Variants in PHLPP2 observed in about 807,000 individuals in gnomAD.
The protein encoded by PHLPP2 is PH domain leucine-rich repeat-containing protein phosphatase 2.
PHLPP2 carries 66 observed loss-of-function variants against 124.9 expected under a neutral mutation model. The ratio of observed to expected loss-of-function variants is 0.53; its 90% CI spans 0.43 to 0.65. PHLPP2 has a LOEUF of 0.65. Among genes scored for constraint, PHLPP2 ranks in the 30% least tolerant of loss-of-function variants. The pLI, the probability that PHLPP2 is intolerant of heterozygous loss-of-function variation, is 0.00. For synonymous variants in PHLPP2, 681 were observed against 624.7 expected (o/e 1.09, Z -1.34); for missense variants, 1,685 against 1,600.4 (o/e 1.05, Z -0.90).
At chr16:71,655,561 G>GC in intron 16 of PHLPP2, 127 bp from the exon 17 acceptor site, 5 of 642,448 alleles carry the variant, frequency 7.8e-6, no homozygotes, top group Non-Finnish European at 1.3e-5. Flanking sequence ...GGAGTGCAGT[G>GC]GCATGATCTT....
chr16:71,705,175 A>C (rs2045264726), intron 2 of PHLPP2, among the ~76,000 whole-genome samples: 1 of 152,228 alleles, frequency 6.6e-6, no homozygotes, highest in Non-Finnish European at 1.5e-5. Flanking sequence ...TGTAAGAACC[A>C]AACGGGGCCA....
rs771089282 is a variant in PHLPP2, at chr16:71,676,661, G to A, written c.1269-12C>T. The A allele has an allele frequency of 6.3e-7, 1 of 1,575,896 alleles. No individual in the cohort carries two copies. Among genetic ancestry groups the A allele is most frequent in the East Asian group, 2.2e-5 (1 of 44,684 alleles). ...TCAAATGGTTCATCCTTAATACGCA[G>A]AAACAAGAAAATAATCATAAATAAG... is the stretch of plus-strand genomic sequence containing the variant. On this transcript the variant is annotated splice_polypyrimidine_tract_variant and intron_variant, in intron 8 of 18. Transcript: ENST00000568954.
At chr16:71,656,389 A>C (rs879611225) in intron 16 of PHLPP2, among the ~76,000 whole-genome samples, 182 bp downstream of exon 16, 3 of 152,190 alleles carry the variant, frequency 2.0e-5, no homozygotes, top group Non-Finnish European at 4.4e-5. Context: ...ACTACACATT[A>C]GTATTGTTTT....
At chr16:71,691,896 G>A (rs556437747) in intron 3 of PHLPP2, among the ~76,000 whole-genome samples, 10 of 151,876 alleles carry the variant, frequency 6.6e-5, no homozygotes, top group Non-Finnish European at 1.5e-4. Context: ...AGGAGTTCAA[G>A]GCCAACCTGG....
chr16:71,715,908 A>C (rs1229730164), intron 1 of PHLPP2, among the ~76,000 whole-genome samples: 2 of 151,658 alleles, frequency 1.3e-5, no homozygotes, highest in Non-Finnish European at 2.9e-5. Context: ...AGGTAGGAGA[A>C]TCACTTGAAC....
In PHLPP2 at chr16:71,688,630, G is replaced by A. The variant is rs1350667769; in HGVS notation, c.609+1889C>T. ...TGGGTTTTTTTTTTTTTTTTTGTAT[G>A]TGTGTGAGAGGGAGTTTACATTTCA... On this transcript the variant is annotated intron_variant, in intron 4 of 18. Transcript: ENST00000568954. Among the ~76,000 whole-genome samples the A allele has an allele frequency of 1.4e-4, 11 of 80,860 alleles. No individual in the cohort carries two copies. The Admixed American group carries it at 1.7e-3, about 13-fold the overall frequency. 53.0% of individuals were successfully genotyped at this position (80,860 alleles called of 152,430 possible). A position where few individuals can be genotyped will look rare whatever the true frequency, so the allele number is the denominator to read the frequency against.
chr16:71,676,471 G>C lies in PHLPP2; in HGVS notation c.1447C>G (p.Arg483Gly), dbSNP rs377712192. 3 of 1,613,970 alleles carry C rather than the reference G, an allele frequency of 1.9e-6. No individual in the cohort carries two copies. The highest frequency in any genetic ancestry group is 2.2e-5 in the East Asian group (1 of 44,884). Residue 483 changes from arginine (R) to glycine (G), a missense_variant, in exon 9 of 19, where the codon CGG (arginine) becomes GGG (glycine). Arg to Gly is a moderately radical substitution (Grantham distance 125). Coordinates refer to ENST00000568954, the MANE Select transcript of PHLPP2 (RefSeq NM_015020.3). ...CTGTTGGAACTGGCATAGAGGGTCCGAAGGGAAAAGCCACTGAGTGTTAGC... is the reference window on the plus strand; with the variant it reads ...CTGTTGGAACTGGCATAGAGGGTCCCAAGGGAAAAGCCACTGAGTGTTAGC... The part of the protein sequence containing the change: ...RELTLSGFSL[R>G]TLYASSNRLT...
rs2045414724 is a variant in PHLPP2, at chr16:71,723,784, CCCTCCCGGCCGGCG to C, written c.-7+531_-7+544del. The C allele has an allele frequency of 3.8e-6, 5 of 1,316,652 alleles. No individual in the cohort carries two copies. The East Asian group carries it at 1.7e-4, about 45-fold the overall frequency. 81.6% of individuals were successfully genotyped at this position (1,316,652 alleles called of 1,614,324 possible). On this transcript the variant is annotated intron_variant, in intron 1 of 18. Coordinates refer to ENST00000568954, the MANE Select transcript of PHLPP2 (RefSeq NM_015020.3). ...GCCTCCTCACCTTCAGGACCCGGAT[CCCTCCCGGCCGGCG>C]GCTCGCGGGCGCTTCGGGCGGCTCC... is the stretch of plus-strand genomic sequence containing the variant.
chr16:71,656,770 G>A (rs1339783628), intron 15 of PHLPP2, 89 bp from the exon 16 acceptor site: 2 of 733,470 alleles, frequency 2.7e-6, no homozygotes, highest in Non-Finnish European at 4.6e-6. Context: ...TTTTTTTTGA[G>A]ATGGAGTCTC....
rs536978510 is a variant in PHLPP2, at chr16:71,659,960, TATAAC to T, written c.1986-1150_1986-1146del. Among the ~76,000 whole-genome samples, 201 of 152,286 alleles carry T rather than the reference TATAAC, an allele frequency of 1.3e-3. 1 individual carries two copies. Among genetic ancestry groups the T allele is most frequent in the African/African-American group, 4.4e-3 (181 of 41,570 alleles). ...AAAATTTTATATCTTGCCTTTTTCA[TATAAC>T]ATATCATAAATAATTTCTACTCCTA... On this transcript the variant is annotated intron_variant, in intron 13 of 18. Coordinates refer to ENST00000568954, the MANE Select transcript of PHLPP2 (RefSeq NM_015020.3).
chr16:71,692,247 T>C (rs1229636822), intron 3 of PHLPP2, among the ~76,000 whole-genome samples: 2 of 152,094 alleles, frequency 1.3e-5, no homozygotes, highest in Non-Finnish European at 2.9e-5. Context: ...TATTTTGTAT[T>C]TTTAGTAGAG....
chr16:71,712,959 T>G (rs185135087), intron 2 of PHLPP2, among the ~76,000 whole-genome samples: 5 of 152,290 alleles, frequency 3.3e-5, no homozygotes, highest in Non-Finnish European at 7.4e-5. Flanking sequence ...GACCTCTTAT[T>G]TGACAACTAA....
intron 17 of PHLPP2, chr16:71,655,020 G>A: frequency 4.0e-6 from 2 of 494,802 alleles, no homozygotes; most frequent in Admixed American, 3.2e-5. Context: ...ATCCTCAGCA[G>A]CCTTTGGATT....
At chr16:71,707,826 C>A (rs1272236773) in intron 2 of PHLPP2, among the ~76,000 whole-genome samples, 1 of 152,210 alleles carries the variant, frequency 6.6e-6, no homozygotes, top group Non-Finnish European at 1.5e-5. Flanking sequence ...TCCTTGCAGA[C>A]AGTTGGTCAG....
intron 11 of PHLPP2, among the ~76,000 whole-genome samples, chr16:71,668,618 T>C (rs555752741): frequency 3.2e-4 from 49 of 151,790 alleles, no homozygotes; most frequent in African/African-American, 1.1e-3. Flanking sequence ...AAAAATTAGC[T>C]GGGTGTGGTG....
chr16:71,655,854 C>G (rs2044737908), intron 16 of PHLPP2, among the ~76,000 whole-genome samples: 1 of 152,090 alleles, frequency 6.6e-6, no homozygotes, highest in Non-Finnish European at 1.5e-5. Flanking sequence ...AAATCGTAAT[C>G]TACACGTAAG....
chr16:71,669,222 G>A (rs905874742), intron 11 of PHLPP2, 53 bp downstream of exon 11: 11 of 1,238,022 alleles, frequency 8.9e-6, no homozygotes, highest in East Asian at 4.7e-5. Context: ...ATTTAAATAC[G>A]CACACACGTA....
In PHLPP2 at chr16:71,649,046, G is replaced by C; in HGVS notation, c.3816C>G (p.Pro1272=). Residue 1272 remains proline, a synonymous_variant, in exon 19 of 19, where the codon CCC becomes CCG. Coordinates refer to ENST00000568954, the MANE Select transcript of PHLPP2 (RefSeq NM_015020.3). ...PKRKTGYFAA[P]TQMEPEDQFV... ...ACTGGTCCTCTGGTTCCATCTGAGT[G>C]GGGGCAGCAAAATAGCCAGTTTTCC... 1 of 1,614,168 alleles carries C rather than the reference G, an allele frequency of 6.2e-7. No individual in the cohort carries two copies. The highest frequency in any genetic ancestry group is 8.5e-7 in the Non-Finnish European group (1 of 1,180,014).
At chr16:71,674,078 CT>C (rs35193489) in intron 9 of PHLPP2, among the ~76,000 whole-genome samples, 44,476 of 139,268 alleles carry the variant, frequency 0.32, 6,580 homozygotes, top group East Asian at 0.72. Flanking sequence ...ATGTGGCAGA[CT>C]TTTTTTTTTT....
Sources: allele counts gnomAD v4.1 joint callset (sites outside exome capture counted in the v4.1 genomes callset), GRCh38; gene constraint gnomAD v4.1.1; transcripts MANE v1.5; gene names NCBI Gene and HGNC (gene_info 2026-07-23, HGNC 2026-07-21).